The following SMPD3 variants were observed in gnomAD, a reference collection of about 807,000 sequenced individuals.
SMPD3 encodes the protein sphingomyelin phosphodiesterase 3, also known as nSMase-2.
Under a neutral mutation model 55.7 loss-of-function variants are expected in SMPD3, and 21 were observed. The ratio of observed to expected loss-of-function variants is 0.38; its 90% CI spans 0.27 to 0.54. The LOEUF (loss-of-function observed/expected upper bound fraction) is 0.54. SMPD3 is among the 20% of genes least tolerant of loss of function. SMPD3 has a pLI of 0.80. For synonymous variants in SMPD3, 457 were observed against 404.3 expected, an observed-to-expected ratio of 1.13 and a Z score of -1.56; for missense variants, 842 against 899.6, an observed-to-expected ratio of 0.94 and a Z score of 0.82.
At chr16:68,413,744 T>C (rs938710769) in intron 1 of SMPD3, among the ~76,000 whole-genome samples, 11 of 152,182 alleles carry the variant, frequency 7.2e-5, no homozygotes, top group African/African-American at 2.7e-4. Flanking sequence ...AAATTCCTGT[T>C]TGTAGGTTCA....
intron 1 of SMPD3, among the ~76,000 whole-genome samples, chr16:68,423,293 G>A (rs1346107700): frequency 6.6e-6 from 1 of 152,122 alleles, no homozygotes; most frequent in East Asian, 1.9e-4. Flanking sequence ...TAGCTGCTAT[G>A]GTTTGAATGT....
intron 7 of SMPD3, among the ~76,000 whole-genome samples, chr16:68,362,488 C>T (rs1567775348): frequency 1.3e-5 from 2 of 152,218 alleles, no homozygotes; most frequent in Non-Finnish European, 1.5e-5. Context: ...CCCCTGGGGC[C>T]TCAGCACCAC....
chr16:68,374,292 A>C (rs1486338474), intron 2 of SMPD3, among the ~76,000 whole-genome samples: 1 of 152,252 alleles, frequency 6.6e-6, no homozygotes, highest in African/African-American at 2.4e-5. Context: ...GTCTGCAGTC[A>C]CCATCTCCAG....
At position 68,404,734 on chromosome 16, in the gene SMPD3, C is replaced by T. The variant is rs983415787; in HGVS notation, c.-268-18075G>A. ...TAGATGCTGGGGGCATCAGGACAGC[C>T]TGAAACACTGTTTCCAGGAGTACAG... On this transcript the variant is annotated intron_variant, in intron 1 of 8. Transcript: ENST00000219334. The surrounding 1 kb of genome is among the most constrained non-coding windows in gnomAD (Gnocchi z 4.0). 1.3e-5 allele frequency among the ~76,000 whole-genome samples: 2 copies of T among 152,210 alleles called. No individual in the cohort carries two copies. The highest frequency in any genetic ancestry group is 2.9e-5 in the Non-Finnish European group (2 of 68,036).
intron 1 of SMPD3, among the ~76,000 whole-genome samples, chr16:68,399,205 G>T (rs923833771): frequency 6.6e-6 from 1 of 152,132 alleles, no homozygotes; most frequent in African/African-American, 2.4e-5. Flanking sequence ...GGTCACTTCA[G>T]GATTCAAAAT....
chr16:68,381,975 C>T (rs1242098755), intron 2 of SMPD3: 1 of 152,250 alleles, frequency 6.6e-6, no homozygotes, highest in Non-Finnish European at 1.5e-5. Context: ...GTTCCTTTGT[C>T]CTGAATCCAG....
chr16:68,418,886 G>A (rs879860373), intron 1 of SMPD3, among the ~76,000 whole-genome samples: 5 of 152,210 alleles, frequency 3.3e-5, no homozygotes, highest in African/African-American at 4.8e-5. Context: ...GCCAGAGCAG[G>A]GAACCTTCTG....
intron 2 of SMPD3, among the ~76,000 whole-genome samples, chr16:68,373,517 TG>T (rs2089729045): frequency 6.6e-6 from 1 of 152,156 alleles, no homozygotes; most frequent in African/African-American, 2.4e-5. Context: ...CCTGGCACTT[TG>T]GGGGGTCTGA....
Position 68,448,483 on chromosome 16 carries a change from T to C in SMPD3, c.-399A>G, listed in dbSNP as rs926837094. 2.0e-5 allele frequency: 3 copies of C among 151,842 alleles called. No homozygotes were observed. Among genetic ancestry groups the C allele is most frequent in the Admixed American group, 6.5e-5 (1 of 15,268 alleles). The allele number at this position is 151,842 out of a possible 1,614,324, so 9.4% of individuals were successfully genotyped here. ...GGCGGCGGCTCTCGCGGCTCTCGGG[T>C]CCGGAGCCTCCCTCAGACTCAGCAC... On this transcript the variant is annotated 5_prime_UTR_variant, in exon 1 of 9. Coordinates refer to ENST00000219334, the MANE Select transcript of SMPD3 (RefSeq NM_018667.4).
intron 1 of SMPD3, among the ~76,000 whole-genome samples, chr16:68,432,030 A>G (rs2090484626): frequency 6.6e-6 from 1 of 151,842 alleles, no homozygotes; most frequent in East Asian, 1.9e-4. Context: ...CACGAGAATC[A>G]CTTGAACCAG....
intron 7 of SMPD3, among the ~76,000 whole-genome samples, 153 bp from the exon 8 acceptor site, chr16:68,361,912 AAG>A (rs2089293567): frequency 6.6e-6 from 1 of 152,120 alleles, no homozygotes; most frequent in Admixed American, 6.5e-5. Context: ...CGGGTCCAAA[AAG>A]GGCCTCAGCT....
intron 1 of SMPD3, among the ~76,000 whole-genome samples, chr16:68,443,871 A>C (rs2090586764): frequency 6.6e-6 from 1 of 152,222 alleles, no homozygotes; most frequent in South Asian, 2.1e-4. Context: ...CCAGAGTTTG[A>C]GATCCAGGAT....
intron 1 of SMPD3, among the ~76,000 whole-genome samples, chr16:68,400,235 A>G (rs1477887114): frequency 6.6e-6 from 1 of 152,176 alleles, no homozygotes; most frequent in Non-Finnish European, 1.5e-5. Flanking sequence ...GGTCCTGGGT[A>G]AGGGTTAAGG....
chr16:68,413,086 G>A (rs1300002466), intron 1 of SMPD3, among the ~76,000 whole-genome samples: 1 of 152,208 alleles, frequency 6.6e-6, no homozygotes, highest in Non-Finnish European at 1.5e-5. Context: ...TCAAGTCCTT[G>A]GCCTGGGGCC....
chr16:68,428,283 C>T (rs578062195), intron 1 of SMPD3, among the ~76,000 whole-genome samples: 34 of 152,298 alleles, frequency 2.2e-4, no homozygotes, highest in African/African-American at 7.2e-4. Context: ...GGCAATAAAC[C>T]GTGTATGATC....
chr16:68,370,825 C>T, intron 3 of SMPD3, 34 bp downstream of exon 3: 1 of 1,609,328 alleles, frequency 6.2e-7, no homozygotes, highest in Non-Finnish European at 8.5e-7. Flanking sequence ...GACCAGCTGG[C>T]ACGTGGTCCT....
intron 2 of SMPD3, among the ~76,000 whole-genome samples, chr16:68,385,292 A>G (rs1344066912): frequency 6.6e-6 from 1 of 152,174 alleles, no homozygotes; most frequent in African/African-American, 2.4e-5. Flanking sequence ...GTGATATGCA[A>G]ACATATCCAG....
intron 1 of SMPD3, among the ~76,000 whole-genome samples, chr16:68,420,373 A>G (rs1450747672): frequency 6.6e-6 from 1 of 152,252 alleles, no homozygotes; most frequent in African/African-American, 2.4e-5. Context: ...TGAGGTTCAG[A>G]GAAGTTGAGG....
At chr16:68,397,773 C>CA (rs1314253536) in intron 1 of SMPD3, among the ~76,000 whole-genome samples, 3 of 152,078 alleles carry the variant, frequency 2.0e-5, no homozygotes, top group Non-Finnish European at 4.4e-5. Flanking sequence ...TTTGCGGGGG[C>CA]GGGGGGTGGT....
Sources: allele counts gnomAD v4.1 joint callset (sites outside exome capture counted in the v4.1 genomes callset), GRCh38; gene constraint gnomAD v4.1.1; non-coding constraint Gnocchi (gnomAD v3.1); transcripts MANE v1.5; gene names NCBI Gene and HGNC (gene_info 2026-07-23, HGNC 2026-07-21).